NPAS3: variants seen among roughly 807,000 people sequenced by gnomAD.
NPAS3 encodes neuronal PAS domain-containing protein 3.
NPAS3 carries 14 observed loss-of-function variants against 73.1 expected under a neutral mutation model. The observed-to-expected ratio is 0.19, with a 90% CI of 0.13 to 0.30. The LOEUF (loss-of-function observed/expected upper bound fraction) is 0.30, where lower values mean the gene tolerates loss of function less well. NPAS3 is among the 10% of genes least tolerant of loss of function. The pLI, the probability that NPAS3 is intolerant of heterozygous loss-of-function variation, is 1.00. For missense variants in NPAS3, 1,096 were observed against 1,250.0 expected, an observed-to-expected ratio of 0.88 and a Z score of 1.86; for synonymous variants, 620 against 541.5, an observed-to-expected ratio of 1.14 and a Z score of -2.01.
chr14:33,566,126 A>G (rs1400377149), intron 5 of NPAS3, among the ~76,000 whole-genome samples: 1 of 152,202 alleles, frequency 6.6e-6, no homozygotes, highest in East Asian at 1.9e-4. Context: ...ACAGTGGCAC[A>G]TTATCAATTT....
At chr14:33,162,749 T>C (rs1439501362) in intron 2 of NPAS3, among the ~76,000 whole-genome samples, 8 of 152,234 alleles carry the variant, frequency 5.3e-5, no homozygotes, top group Non-Finnish European at 1.0e-4. Context: ...CTCCTCTCTT[T>C]ATTGGTCCCT....
chr14:33,170,395 T>C (rs933701542), intron 2 of NPAS3, among the ~76,000 whole-genome samples: 19 of 152,194 alleles, frequency 1.2e-4, no homozygotes, highest in Admixed American at 1.0e-3. Context: ...TGCCTTCATG[T>C]TGGTGGCTGC....
At chr14:33,148,359 G>A (rs1260877634) in intron 2 of NPAS3, among the ~76,000 whole-genome samples, 1 of 151,982 alleles carries the variant, frequency 6.6e-6, no homozygotes, top group Non-Finnish European at 1.5e-5. Flanking sequence ...TTTATTATAA[G>A]CCAACATTAC....
chr14:33,552,465 C>A (rs1035016021), intron 4 of NPAS3, among the ~76,000 whole-genome samples: 2 of 152,112 alleles, frequency 1.3e-5, no homozygotes, highest in Non-Finnish European at 2.9e-5. Context: ...GCTTCCTTTT[C>A]TTTTCCCTGG....
At chr14:33,543,702 A>G (rs1950368340) in intron 4 of NPAS3, among the ~76,000 whole-genome samples, 1 of 152,130 alleles carries the variant, frequency 6.6e-6, no homozygotes, top group African/African-American at 2.4e-5. Context: ...GAGGACAACA[A>G]TCATCTTCTT....
chr14:33,204,413 T>C (rs1156734179), intron 2 of NPAS3, among the ~76,000 whole-genome samples: 1 of 151,996 alleles, frequency 6.6e-6, no homozygotes, highest in African/African-American at 2.4e-5. Flanking sequence ...AGTAGTTAGG[T>C]CTGTGTTGCA....
At chr14:33,076,668 T>C (rs2041669821) in intron 2 of NPAS3, among the ~76,000 whole-genome samples, 1 of 152,168 alleles carries the variant, frequency 6.6e-6, no homozygotes, top group Non-Finnish European at 1.5e-5. Context: ...CTCCAACAGT[T>C]GTTTTAACAA....
intron 1 of NPAS3, among the ~76,000 whole-genome samples, chr14:33,027,004 G>A (rs2039828239): frequency 1.3e-5 from 2 of 152,250 alleles, no homozygotes; most frequent in South Asian, 4.1e-4. Flanking sequence ...AGGGAAAGGG[G>A]TGGTGTTAGA....
rs111777006 is a variant in NPAS3, at chr14:33,430,123, G to A, written c.468+62855G>A. On this transcript the variant is annotated intron_variant, in intron 4 of 11. Transcript: ENST00000356141. ...CCTCAGGAAAACGAGGCTTGATGAGGATTGTAAAATAAAAGGTGCTTGTTG... is the reference window on the plus strand; with the variant it reads ...CCTCAGGAAAACGAGGCTTGATGAGAATTGTAAAATAAAAGGTGCTTGTTG... Among the ~76,000 whole-genome samples the A allele has an allele frequency of 6.3e-3, 960 of 152,242 alleles. 7 individuals carry two copies. The highest frequency in any genetic ancestry group is 0.01 in the Non-Finnish European group (686 of 67,998).
At chr14:32,967,056 G>A (rs1438536224) in intron 1 of NPAS3, among the ~76,000 whole-genome samples, 1 of 152,058 alleles carries the variant, frequency 6.6e-6, no homozygotes, top group Non-Finnish European at 1.5e-5. Flanking sequence ...AGAAGATACA[G>A]TTGAACCTTG....
At chr14:33,364,674 A>G (rs573505133) in intron 3 of NPAS3, among the ~76,000 whole-genome samples, 2 of 152,266 alleles carry the variant, frequency 1.3e-5, no homozygotes, top group South Asian at 2.1e-4. Flanking sequence ...TACAGATAGA[A>G]CTCATGGATG....
At chr14:33,423,358 A>G (rs1416766399) in intron 4 of NPAS3, among the ~76,000 whole-genome samples, 1 of 151,994 alleles carries the variant, frequency 6.6e-6, no homozygotes, top group East Asian at 1.9e-4. Context: ...CTACAGGGAC[A>G]TGTGAGATGT....
chr14:33,789,344 T>A (rs933319773), intron 9 of NPAS3, among the ~76,000 whole-genome samples: 4 of 152,140 alleles, frequency 2.6e-5, no homozygotes, highest in African/African-American at 7.2e-5. Flanking sequence ...CTGGTTTTCC[T>A]TCGAGCAACA....
chr14:33,411,955 A>G (rs1424797924), intron 4 of NPAS3, among the ~76,000 whole-genome samples: 3 of 152,082 alleles, frequency 2.0e-5, no homozygotes, highest in Non-Finnish European at 4.4e-5. Context: ...TCTGTGCCTT[A>G]TTTCCCATTT....
At chr14:33,194,742 A>G (rs10129538) in intron 2 of NPAS3, among the ~76,000 whole-genome samples, 32,142 of 152,104 alleles carry the variant, frequency 0.21, 3,851 homozygotes, top group South Asian at 0.38. Flanking sequence ...TAAAAAAGGC[A>G]TGAGTCACTT....
intron 5 of NPAS3, among the ~76,000 whole-genome samples, chr14:33,604,348 A>G (rs78285714): frequency 1.3e-5 from 2 of 152,112 alleles, no homozygotes; most frequent in Admixed American, 1.3e-4. Flanking sequence ...TAGCACTAAT[A>G]GAAAGAGTAG....
chr14:33,759,726 C>T (rs993237688), intron 7 of NPAS3, among the ~76,000 whole-genome samples: 4 of 152,174 alleles, frequency 2.6e-5, no homozygotes, highest in African/African-American at 9.7e-5. Context: ...TCATTATTTA[C>T]CTGGCCTGCT....
intron 6 of NPAS3, among the ~76,000 whole-genome samples, chr14:33,714,597 G>A (rs2060910001): frequency 6.6e-6 from 1 of 152,144 alleles, no homozygotes; most frequent in African/African-American, 2.4e-5. Context: ...AAGACTTTGG[G>A]TAAGAAGTCA....
chr14:32,936,036 A>G (rs573464423), upstream of NPAS3, among the ~76,000 whole-genome samples: 2 of 152,380 alleles, frequency 1.3e-5, no homozygotes, highest in African/African-American at 4.8e-5. Context: ...TTTAACTTAA[A>G]ATATACACAA....
Sources: gnomAD v4.1 joint callset for allele counts (sites outside exome capture counted in the v4.1 genomes callset) on GRCh38, gnomAD v4.1.1 for gene constraint, MANE v1.5 for transcripts, NCBI Gene and HGNC (gene_info 2026-07-23, HGNC 2026-07-21) for gene names.